PREP: variants seen among roughly 807,000 people sequenced by gnomAD.
The protein encoded by PREP is dJ355L5.1 (prolyl endopeptidase).
Under a neutral mutation model 87.6 loss-of-function variants are expected in PREP, and 29 were observed. The ratio of observed to expected loss-of-function variants is 0.33; its 90% CI spans 0.25 to 0.45. PREP has a LOEUF of 0.45. Ranked by LOEUF, PREP falls within the 20% of genes least tolerant of loss-of-function variation. The pLI is 1.00. For synonymous variants in PREP, 337 were observed against 328.6 expected (o/e 1.03, Z -0.28); for missense variants, 695 against 886.5 (o/e 0.78, Z 2.74).
At chr6:105,384,379 T>G (rs944663052) in intron 2 of PREP, among the ~76,000 whole-genome samples, 1 of 152,198 alleles carries the variant, frequency 6.6e-6, no homozygotes, top group Admixed American at 6.5e-5. Flanking sequence ...ATGAGGAACA[T>G]CTGGCTGGAA....
At chr6:105,315,931 C>T (rs1770854273) in intron 10 of PREP, among the ~76,000 whole-genome samples, 1 of 152,190 alleles carries the variant, frequency 6.6e-6, no homozygotes, top group Non-Finnish European at 1.5e-5. Flanking sequence ...TGGATTAGGC[C>T]TTGGCTTAAG....
At chr6:105,322,352 T>C (rs541021593) in intron 10 of PREP, 131 of 933,270 alleles carry the variant, frequency 1.4e-4, no homozygotes, top group Non-Finnish European at 1.6e-4. Flanking sequence ...CCTTATCTCT[T>C]AATAATCCCA....
chr6:105,382,264 G>A (rs924653700), intron 2 of PREP, among the ~76,000 whole-genome samples: 2 of 126,312 alleles, frequency 1.6e-5, no homozygotes, highest in South Asian at 2.5e-4. Context: ...GATTTTAAGC[G>A]TTCTCAACAC....
intron 10 of PREP, chr6:105,322,945 G>C: frequency 1.6e-6 from 2 of 1,244,534 alleles, no homozygotes; most frequent in Non-Finnish European, 2.1e-6. Context: ...ACAATGTTCT[G>C]ATTCCTAATC....
chr6:105,321,354 G>A (rs552407077), intron 10 of PREP, among the ~76,000 whole-genome samples: 2 of 152,294 alleles, frequency 1.3e-5, no homozygotes, highest in East Asian at 1.9e-4. Context: ...CTCAATGCCC[G>A]GAACTTTTGT....
chr6:105,342,012 G>A (rs1048060541), intron 7 of PREP, among the ~76,000 whole-genome samples: 1 of 152,150 alleles, frequency 6.6e-6, no homozygotes, highest in South Asian at 2.1e-4. Flanking sequence ...GAAAAAGAGG[G>A]AATCCTCCCT....
rs147290920 is a variant in PREP, at chr6:105,289,955, C to T, written c.1318-1061G>A. On this transcript the variant is annotated intron_variant, in intron 10 of 14. Transcript: ENST00000652536. ...AGAAATAACCATGGTGGGGGAAGGG[C>T]GGAGGGGGAGAGTGGCAGGGATGCA... is the stretch of plus-strand genomic sequence containing the variant. 9.5e-3 allele frequency among the ~76,000 whole-genome samples: 1,447 copies of T among 151,732 alleles called. 22 individuals carry two copies. Among genetic ancestry groups the T allele is most frequent in the African/African-American group, 0.033 (1,385 of 41,406 alleles).
chr6:105,360,036 G>A (rs1772205517), intron 6 of PREP, among the ~76,000 whole-genome samples: 1 of 152,210 alleles, frequency 6.6e-6, no homozygotes, highest in African/African-American at 2.4e-5. Flanking sequence ...TAAATATGCA[G>A]TGTGTACAAC....
At chr6:105,286,824 C>A (rs943162371) in intron 11 of PREP, among the ~76,000 whole-genome samples, 7 of 152,040 alleles carry the variant, frequency 4.6e-5, no homozygotes, top group Non-Finnish European at 8.8e-5. Flanking sequence ...CCTGAGACTA[C>A]TATTAAATGC....
chr6:105,304,050 T>C (rs1319622539), intron 10 of PREP, among the ~76,000 whole-genome samples: 1 of 152,232 alleles, frequency 6.6e-6, no homozygotes, highest in Non-Finnish European at 1.5e-5. Flanking sequence ...GTCTATACAG[T>C]TGGCTCTCTA....
chr6:105,301,084 C>CT (rs1273874141), intron 10 of PREP, among the ~76,000 whole-genome samples: 6 of 152,332 alleles, frequency 3.9e-5, no homozygotes, highest in African/African-American at 1.4e-4. Context: ...ACTGAGCTAT[C>CT]TGAGGCAAAT....
intron 14 of PREP, among the ~76,000 whole-genome samples, chr6:105,279,525 C>T (rs1770026582): frequency 6.6e-6 from 1 of 152,202 alleles, no homozygotes; most frequent in Admixed American, 6.5e-5. Flanking sequence ...GGAAAAAATA[C>T]ATTAGGCTTT....
chr6:105,397,365 C>T (rs1773313263), intron 2 of PREP, among the ~76,000 whole-genome samples: 1 of 152,052 alleles, frequency 6.6e-6, no homozygotes, highest in African/African-American at 2.4e-5. Flanking sequence ...GCAGAAAATG[C>T]TCCCCCCTGC....
At chr6:105,331,006 A>G (rs747658225) in intron 8 of PREP, among the ~76,000 whole-genome samples, 2 of 152,258 alleles carry the variant, frequency 1.3e-5, no homozygotes, top group Non-Finnish European at 2.9e-5. Context: ...TATAGCTGTC[A>G]AAGAATAATC....
intron 5 of PREP, among the ~76,000 whole-genome samples, 166 bp downstream of exon 5, chr6:105,373,203 T>C (rs1772601283): frequency 6.6e-6 from 1 of 152,202 alleles, no homozygotes; most frequent in East Asian, 1.9e-4. Context: ...AGCTACTACA[T>C]TTTGGTGGGG....
chr6:105,365,971 T>G (rs1452680230), intron 6 of PREP, among the ~76,000 whole-genome samples: 1 of 152,106 alleles, frequency 6.6e-6, no homozygotes, highest in Non-Finnish European at 1.5e-5. Context: ...TCATTACTCT[T>G]AGGCTGGGCA....
rs563345632 is a variant in PREP, at chr6:105,303,282, C to G, written c.1318-14388G>C. Among the ~76,000 whole-genome samples the G allele has an allele frequency of 3.3e-5, 5 of 151,910 alleles. 1 individual carries two copies. In the South Asian group the frequency reaches 1.0e-3, roughly 32 times the overall value. On this transcript the variant is annotated intron_variant, in intron 10 of 14. Transcript: ENST00000652536. ...GTCTCATTACGTTGTCCAGGATGGTCTCAACCTGCTAGCCTCAAGCAATCC... is the reference window on the plus strand; with the variant it reads ...GTCTCATTACGTTGTCCAGGATGGTGTCAACCTGCTAGCCTCAAGCAATCC...
chr6:105,299,263 T>C (rs772613278), intron 10 of PREP, among the ~76,000 whole-genome samples: 20 of 152,252 alleles, frequency 1.3e-4, no homozygotes, highest in African/African-American at 1.9e-4. Flanking sequence ...AGCAGTCCTC[T>C]CTTATTTTAC....
At chr6:105,358,010 CT>C (rs1338270388) in intron 6 of PREP, among the ~76,000 whole-genome samples, 1 of 149,740 alleles carries the variant, frequency 6.7e-6, no homozygotes, top group African/African-American at 2.5e-5. Flanking sequence ...CTGATTTTTT[CT>C]TTTGCAAAAA....
Sources: gnomAD v4.1 joint callset for allele counts (sites outside exome capture counted in the v4.1 genomes callset) on GRCh38, gnomAD v4.1.1 for gene constraint, MANE v1.5 for transcripts, NCBI Gene and HGNC (gene_info 2026-07-23, HGNC 2026-07-21) for gene names.